Variants in DEFB134 observed in about 807,000 individuals in gnomAD.
DEFB134 encodes the protein defensin beta 134.
Under a neutral mutation model 7.4 loss-of-function variants are expected in DEFB134, and 7 were observed. The ratio of observed to expected loss-of-function variants is 0.95; its 90% confidence interval spans 0.54 to 1.79. The LOEUF is 1.79. Ranked by LOEUF, DEFB134 falls within the 40% of genes most tolerant of loss-of-function variation. The pLI is 0.00. For synonymous variants in DEFB134, 33 were observed against 25.0 expected (o/e 1.32, Z -0.96); for missense variants, 105 against 74.8 (o/e 1.40, Z -1.49).
intron 1 of DEFB134, among the ~76,000 whole-genome samples, chr8:11,994,345 C>A (rs932032495): frequency 4.6e-5 from 7 of 152,100 alleles, no homozygotes; most frequent in Non-Finnish European, 1.0e-4. Context: ...GAGATAGGGC[C>A]TTCAGGAAGT....
upstream of DEFB134, chr8:11,998,975 G>T (rs1375909948): frequency 1.3e-5 from 2 of 152,320 alleles, no homozygotes; most frequent in Non-Finnish European, 2.9e-5. Context: ...ACCTCCCAAG[G>T]TTGAACTGGA....
upstream of DEFB134, chr8:11,999,241 G>C (rs1036683499): frequency 1.4e-5 from 3 of 206,998 alleles, no homozygotes; most frequent in African/African-American, 7.1e-5. Flanking sequence ...GGAGTATAAA[G>C]GTCATAAACA....
At chr8:11,995,216 G>A (rs1800085540) in intron 1 of DEFB134, among the ~76,000 whole-genome samples, 1 of 152,194 alleles carries the variant, frequency 6.6e-6, no homozygotes, top group African/African-American at 2.4e-5. Context: ...AGGGAATATT[G>A]TACACTATAT....
At chr8:11,993,890 G>C (rs996783821) in exon 2 of DEFB134, 3 of 1,519,990 alleles carry the variant, frequency 2.0e-6, no homozygotes, top group East Asian at 2.3e-5. Context: ...ACACATCATG[G>C]TGTCACAGTT....
At chr8:11,998,519 G>C (rs1231462920), upstream of DEFB134, among the ~76,000 whole-genome samples, 5 of 152,026 alleles carry the variant, frequency 3.3e-5, no homozygotes, top group Non-Finnish European at 5.9e-5. Context: ...TACAATACCA[G>C]AATCCCTGAG....
At chr8:11,998,864 C>G (rs967793444), upstream of DEFB134, among the ~76,000 whole-genome samples, 6 of 152,120 alleles carry the variant, frequency 3.9e-5, no homozygotes, top group African/African-American at 1.4e-4. Flanking sequence ...TTACCACTGA[C>G]CCCAAAGAAA....
upstream of DEFB134, among the ~76,000 whole-genome samples, chr8:11,999,936 G>A (rs1264095521): frequency 6.6e-6 from 1 of 152,156 alleles, no homozygotes; most frequent in Non-Finnish European, 1.5e-5. Context: ...TCCACGCTAG[G>A]ACTAGATGGC....
upstream of DEFB134, among the ~76,000 whole-genome samples, chr8:11,999,784 TTAGAGA>T: frequency 6.6e-6 from 1 of 152,236 alleles, no homozygotes; most frequent in East Asian, 1.9e-4. Context: ...TTCATAGACT[TTAGAGA>T]TAAAGAGGGG....
chr8:11,993,818 T>C (rs1323466380), exon 2 of DEFB134: 1 of 948,334 alleles, frequency 1.1e-6, no homozygotes, highest in African/African-American at 1.7e-5. Context: ...AGCTCAGCTC[T>C]TTAAATTTAA....
At position 11,994,501 on chromosome 8, in the gene DEFB134, T is replaced by C. The variant is rs577775284; in HGVS notation, c.59-379A>G. On this transcript the variant is annotated intron_variant, in intron 1 of 1. Transcript: ENST00000526438. The stretch of plus-strand genomic sequence containing the variant: ...CTTGAAAGCAAGCTCTCATCAGAAA[T>C]TGAATCAGCTAGCACCTTGATCTTG... Among the ~76,000 whole-genome samples the C allele has an allele frequency of 5.3e-5, 8 of 152,294 alleles. No individual in the cohort carries two copies. In the South Asian group the frequency reaches 1.0e-3, roughly 20 times the overall value.
chr8:11,995,546 CT>C (rs1253437965), intron 1 of DEFB134, among the ~76,000 whole-genome samples: 6 of 152,202 alleles, frequency 3.9e-5, no homozygotes, highest in African/African-American at 1.4e-4. Context: ...GTCTCCCTGG[CT>C]GCTATCTCAT....
At chr8:11,999,591 A>G (rs1321554764), upstream of DEFB134, 1 of 143,604 alleles carries the variant, frequency 7.0e-6, no homozygotes, top group Non-Finnish European at 1.5e-5. Context: ...TTCACTGACT[A>G]GGTCACCAAC....
At chr8:11,998,817 A>T (rs1468236833), upstream of DEFB134, among the ~76,000 whole-genome samples, 1 of 152,104 alleles carries the variant, frequency 6.6e-6, no homozygotes, top group Non-Finnish European at 1.5e-5. Flanking sequence ...AAAAAAGAAG[A>T]TCCAAAAAAA....
At position 11,995,279 on chromosome 8, in the gene DEFB134, T is replaced by C. The variant is rs184158588; in HGVS notation, c.58+915A>G. 7.6e-4 allele frequency among the ~76,000 whole-genome samples: 116 copies of C among 152,340 alleles called. 1 individual carries two copies. The highest frequency in any genetic ancestry group is 2.6e-3 in the African/African-American group (110 of 41,588). On this transcript the variant is annotated intron_variant, in intron 1 of 1. Transcript: ENST00000526438. ...CCATTGCCATAAACCGTAATGGAAT[T>C]GGTTGCATCAGCAGCTTTAAGAGGC... is the stretch of plus-strand genomic sequence containing the variant.
Position 11,996,299 on chromosome 8 carries a change from C to T in DEFB134, c.-48G>A, listed in dbSNP as rs768379824. Reference sequence around the variant, plus strand: ...GGCTAGTGGCAGGGTCTGACATCGGCTGTCAGGGAACAGAGAGAAGAGGTT... The same window carrying T: ...GGCTAGTGGCAGGGTCTGACATCGGTTGTCAGGGAACAGAGAGAAGAGGTT... On this transcript the variant is annotated 5_prime_UTR_variant, in exon 1 of 2. Coordinates refer to ENST00000526438, the Ensembl canonical transcript of DEFB134. The T allele has an allele frequency of 6.2e-7, 1 of 1,602,620 alleles. No homozygotes were observed. The highest frequency in any genetic ancestry group is 1.1e-5 in the South Asian group (1 of 90,826).
At chr8:11,996,048 A>T (rs1800111131) in intron 1 of DEFB134, 146 bp downstream of exon 2, 5 of 903,428 alleles carry the variant, frequency 5.5e-6, no homozygotes, top group Non-Finnish European at 8.6e-6. Context: ...ATTCAAGCCC[A>T]GGTCTTGCTG....
chr8:11,996,431 G>C, upstream of DEFB134: 1 of 484,816 alleles, frequency 2.1e-6, no homozygotes, highest in Non-Finnish European at 3.6e-6. Context: ...ATGCTCATCT[G>C]AGGAAAAAAA....
upstream of DEFB134, among the ~76,000 whole-genome samples, chr8:11,997,888 A>G (rs990160980): frequency 6.6e-6 from 1 of 152,246 alleles, no homozygotes; most frequent in African/African-American, 2.4e-5. Context: ...ACATCTATGG[A>G]GCATTCCACC....
At chr8:11,999,291 C>T (rs188036960), upstream of DEFB134, 17 of 214,968 alleles carry the variant, frequency 7.9e-5, no homozygotes, top group East Asian at 1.6e-3. Flanking sequence ...AAGAAGCCAG[C>T]AATCACTCTG....
Sources: allele counts gnomAD v4.1 joint callset (sites outside exome capture counted in the v4.1 genomes callset), GRCh38; gene constraint gnomAD v4.1.1; transcripts MANE v1.5; gene names NCBI Gene and HGNC (gene_info 2026-07-23, HGNC 2026-07-21).